MRRF: variants seen among roughly 807,000 people sequenced by gnomAD.
The protein encoded by MRRF is mitochondrial ribosome recycling factor.
Under a neutral mutation model 25.1 loss-of-function variants are expected in MRRF, and 18 were observed. The observed-to-expected ratio is 0.72, with a 90% CI of 0.50 to 1.06. The LOEUF (loss-of-function observed/expected upper bound fraction) is 1.06. MRRF is among the 50% of genes least tolerant of loss of function. The pLI is 0.00. For missense variants in MRRF, 323 were observed against 319.3 expected (o/e 1.01, Z -0.09); for synonymous variants, 113 against 112.1 (o/e 1.01, Z -0.05).
chr9:122,290,333 T>C (rs1833685700), intron 4 of MRRF, among the ~76,000 whole-genome samples: 1 of 152,128 alleles, frequency 6.6e-6, no homozygotes, highest in Admixed American at 6.5e-5. Flanking sequence ...AGAGACTTGG[T>C]TATGTCAGAA....
At chr9:122,303,766 A>G (rs1306826323) in intron 5 of MRRF, among the ~76,000 whole-genome samples, 1 of 152,214 alleles carries the variant, frequency 6.6e-6, no homozygotes, top group Admixed American at 6.5e-5. Context: ...GCTCATGGTC[A>G]TAGATTAGTA....
Position 122,280,661 on chromosome 9 carries a change from T to C in MRRF, c.340+63T>C, listed in dbSNP as rs894226737. Reference sequence around the variant, plus strand: ...TGGAAAGAGCATGGGTTTGGCAGAGTTGAGTTTTAGTCCCAGCTTTGCCAT... The same window carrying C: ...TGGAAAGAGCATGGGTTTGGCAGAGCTGAGTTTTAGTCCCAGCTTTGCCAT... On this transcript the variant is annotated intron_variant, in intron 3 of 6. Transcript: ENST00000344641. 5.4e-5 allele frequency: 84 copies of C among 1,553,696 alleles called. No homozygotes were observed. The East Asian group carries it at 1.8e-3, about 33-fold the overall frequency.
chr9:122,267,907 G>C (rs1389040165), intron 1 of MRRF, among the ~76,000 whole-genome samples: 2 of 152,166 alleles, frequency 1.3e-5, no homozygotes, highest in Non-Finnish European at 2.9e-5. Context: ...AGCTCAGAGA[G>C]GCTAAATGAC....
chr9:122,270,827 T>A (rs116152979), intron 1 of MRRF, 37 bp from the exon 2 acceptor site: 1 of 1,550,740 alleles, frequency 6.4e-7, no homozygotes, highest in African/African-American at 1.4e-5. Context: ...TACTTAGATC[T>A]TTTACTTAGA....
intron 6 of MRRF, among the ~76,000 whole-genome samples, chr9:122,320,823 A>G (rs1240028400): frequency 2.0e-5 from 3 of 152,184 alleles, no homozygotes; most frequent in African/African-American, 7.2e-5. Context: ...AAGATGTCCA[A>G]CAGCCGCTAT....
intron 5 of MRRF, among the ~76,000 whole-genome samples, chr9:122,312,679 G>T (rs1835277903): frequency 6.6e-6 from 1 of 152,204 alleles, no homozygotes; most frequent in Non-Finnish European, 1.5e-5. Context: ...TTTGTATAAG[G>T]TACCAAATTT....
At chr9:122,312,589 A>AC (rs1415126101) in intron 5 of MRRF, among the ~76,000 whole-genome samples, 3 of 152,138 alleles carry the variant, frequency 2.0e-5, no homozygotes, top group African/African-American at 2.4e-5. Context: ...CCATTTCAGG[A>AC]CCCAGGGGGC....
At position 122,329,631 on chromosome 9, in the gene MRRF, C is replaced by T. The variant is rs1367101275; in HGVS notation, c.*7014C>T. On this transcript the variant is annotated 3_prime_UTR_variant, in exon 7 of 7. Coordinates refer to ENST00000344641, the MANE Select transcript of MRRF (RefSeq NM_138777.5). ...ACTTTTGCCTCCCTGTCCCTCTCCC[C>T]TCATCCAATAAGTCACCAAGTCCTG... The T allele has an allele frequency of 2.6e-5, 4 of 152,414 alleles. No homozygotes were observed. The highest frequency in any genetic ancestry group is 9.6e-5 in the African/African-American group (4 of 41,472). The allele number at this position is 152,414 out of a possible 1,614,324, so 9.4% of individuals were successfully genotyped here. A position where few individuals can be genotyped will look rare whatever the true frequency, so the allele number is the denominator to read the frequency against.
At chr9:122,282,448 C>T (rs1833140936) in intron 3 of MRRF, among the ~76,000 whole-genome samples, 2 of 152,156 alleles carry the variant, frequency 1.3e-5, no homozygotes, top group African/African-American at 4.8e-5. Flanking sequence ...AGCCTAGAAC[C>T]TGATGTGAAG....
chr9:122,265,810 C>G, intron 1 of MRRF: 1 of 1,260,246 alleles, frequency 7.9e-7, no homozygotes, highest in Non-Finnish European at 1.0e-6. Context: ...GATCTCTTAA[C>G]TCTTAGGCAA....
At chr9:122,311,056 C>T (rs565939420) in intron 5 of MRRF, among the ~76,000 whole-genome samples, 1 of 152,256 alleles carries the variant, frequency 6.6e-6, no homozygotes, top group African/African-American at 2.4e-5. Flanking sequence ...GTTGTGTCTG[C>T]TTCTCCTAAT....
chr9:122,280,646 A>C, intron 3 of MRRF, 48 bp downstream of exon 3: 1 of 1,592,400 alleles, frequency 6.3e-7, no homozygotes, highest in South Asian at 1.1e-5. Context: ...TGGAAAGAGC[A>C]TGGGTTTGGC....
intron 5 of MRRF, among the ~76,000 whole-genome samples, chr9:122,307,175 A>G (rs1027356277): frequency 6.6e-6 from 1 of 152,180 alleles, no homozygotes; most frequent in South Asian, 2.1e-4. Flanking sequence ...TCCCACTGGC[A>G]AACAGTGAAG....
Position 122,327,897 on chromosome 9 carries a change from C to T in MRRF, c.*5280C>T, listed in dbSNP as rs1423523629. ...TTTTTTTTTGGAATTGGGTTTTGTT[C>T]GATGAACCATTCTGAAACTCCTTTT... On this transcript the variant is annotated 3_prime_UTR_variant, in exon 7 of 7. Coordinates refer to ENST00000344641, the MANE Select transcript of MRRF (RefSeq NM_138777.5). The T allele has an allele frequency of 2.0e-5, 3 of 148,916 alleles. No individual in the cohort carries two copies. The highest frequency in any genetic ancestry group is 3.0e-5 in the Non-Finnish European group (2 of 67,288). 9.2% of individuals were successfully genotyped at this position (148,916 alleles called of 1,614,324 possible).
intron 5 of MRRF, among the ~76,000 whole-genome samples, chr9:122,301,585 C>T (rs1379767334): frequency 1.3e-5 from 2 of 152,104 alleles, no homozygotes; most frequent in Non-Finnish European, 2.9e-5. Flanking sequence ...CAGGAGTAGA[C>T]AGGGATAACC....
intron 1 of MRRF, among the ~76,000 whole-genome samples, chr9:122,266,844 C>T (rs183928444): frequency 1.0e-3 from 156 of 152,264 alleles, no homozygotes; most frequent in Middle Eastern, 6.8e-3. Flanking sequence ...GAGGCCCAGG[C>T]GGGCGGATCA....
chr9:122,274,499 T>G (rs564743624), intron 2 of MRRF, among the ~76,000 whole-genome samples: 1 of 151,000 alleles, frequency 6.6e-6, no homozygotes, highest in Non-Finnish European at 1.5e-5. Flanking sequence ...CCTTGCGTGT[T>G]TGATAGAACT....
At chr9:122,318,315 T>C (rs1835667180) in intron 6 of MRRF, among the ~76,000 whole-genome samples, 1 of 151,702 alleles carries the variant, frequency 6.6e-6, no homozygotes, top group African/African-American at 2.4e-5. Context: ...TCTGCCAGCC[T>C]GCTGTTTCAC....
intron 2 of MRRF, among the ~76,000 whole-genome samples, chr9:122,272,327 A>G (rs1832511732): frequency 6.6e-6 from 1 of 152,104 alleles, no homozygotes; most frequent in South Asian, 2.1e-4. Flanking sequence ...GCATTTTTTC[A>G]TATTTTGTGG....
Sources: allele counts gnomAD v4.1 joint callset (sites outside exome capture counted in the v4.1 genomes callset), GRCh38; gene constraint gnomAD v4.1.1; transcripts MANE v1.5; gene names NCBI Gene and HGNC (gene_info 2026-07-23, HGNC 2026-07-21).